The following LEF1 variants were observed in gnomAD, a reference collection of about 807,000 sequenced individuals.
LEF1 encodes lymphoid enhancer binding factor 1.
LEF1 carries 14 observed loss-of-function variants against 51.2 expected under a neutral mutation model. The ratio of observed to expected loss-of-function variants is 0.27; its 90% confidence interval spans 0.18 to 0.43. The LOEUF (loss-of-function observed/expected upper bound fraction) is 0.43, where lower values mean the gene tolerates loss of function less well. Ranked by LOEUF, LEF1 falls within the 20% of genes least tolerant of loss-of-function variation. The pLI, the probability that LEF1 is intolerant of heterozygous loss-of-function variation, is 1.00. For synonymous variants in LEF1, 185 were observed against 183.2 expected, an observed-to-expected ratio of 1.01 and a Z score of -0.08; for missense variants, 386 against 512.0, an observed-to-expected ratio of 0.75 and a Z score of 2.37.
In LEF1 at chr4:108,115,263, C is replaced by T. The variant is rs74654589; in HGVS notation, c.415-26006G>A. Reference sequence around the variant, plus strand: ...AACTGAATGAATATGAGGGCAAGAACAGTAGTAGTAAGTAGAAACAGTGGT... The same window carrying T: ...AACTGAATGAATATGAGGGCAAGAATAGTAGTAGTAAGTAGAAACAGTGGT... On this transcript the variant is annotated intron_variant, in intron 3 of 11. Coordinates refer to ENST00000265165, the MANE Select transcript of LEF1 (RefSeq NM_016269.5). 4.8e-3 allele frequency among the ~76,000 whole-genome samples: 736 copies of T among 152,196 alleles called. 1 individual carries two copies. Among genetic ancestry groups the T allele is most frequent in the Non-Finnish European group, 7.5e-3 (509 of 68,010 alleles).
chr4:108,155,586 C>T (rs1744638564), intron 3 of LEF1, among the ~76,000 whole-genome samples: 1 of 152,206 alleles, frequency 6.6e-6, no homozygotes, highest in Admixed American at 6.5e-5. Context: ...GCAGAAATCC[C>T]ACCAGGTGGG....
intron 3 of LEF1, among the ~76,000 whole-genome samples, chr4:108,136,207 CATT>C (rs1428574284): frequency 1.3e-5 from 2 of 152,116 alleles, no homozygotes; most frequent in Non-Finnish European, 2.9e-5. Context: ...AATGTGCAAA[CATT>C]AGAAGTTCCA....
At chr4:108,106,789 T>C (rs1287912908) in intron 3 of LEF1, among the ~76,000 whole-genome samples, 1 of 152,122 alleles carries the variant, frequency 6.6e-6, no homozygotes, top group Admixed American at 6.5e-5. Context: ...TGGTCAAAAA[T>C]ATGCAAGAAA....
Position 108,078,353 on chromosome 4 carries a change from T to C in LEF1, c.875A>G (p.Gln292Arg). ...VKPQHEQRKE[Q>R]EPKRPHIKKP... ...CTTAATGTGAGGTCTTTTTGGCTCC[T>C]GCTCCTTTCTCTGTTCATGCTGAGG... Residue 292 changes from glutamine (Q) to arginine (R), a missense_variant, in exon 8 of 12, where the codon CAG becomes CGG. Gln to Arg is a conservative substitution (Grantham distance 43, BLOSUM62 1). Coordinates refer to ENST00000265165, the MANE Select transcript of LEF1 (RefSeq NM_016269.5). The C allele has an allele frequency of 6.2e-7, 1 of 1,614,212 alleles. No homozygotes were observed. Among genetic ancestry groups the C allele is most frequent in the Non-Finnish European group, 8.5e-7 (1 of 1,180,034 alleles).
intron 5 of LEF1, among the ~76,000 whole-genome samples, chr4:108,082,986 C>T (rs945862377): frequency 9.2e-5 from 14 of 152,040 alleles, no homozygotes; most frequent in South Asian, 2.1e-4. Context: ...ATATTCAATG[C>T]GTCTAAATTC....
intron 9 of LEF1, 86 bp downstream of exon 9, chr4:108,070,577 T>C (rs1738406369): frequency 2.4e-6 from 2 of 847,918 alleles, no homozygotes; most frequent in African/African-American, 1.7e-5. Context: ...ACCAGCATTA[T>C]ATACACCTAA....
At chr4:108,089,577 G>T (rs916980712) in intron 3 of LEF1, among the ~76,000 whole-genome samples, 9 of 152,012 alleles carry the variant, frequency 5.9e-5, no homozygotes, top group African/African-American at 2.2e-4. Context: ...CTCTCTTTTA[G>T]ATTATTTCCT....
chr4:108,068,380 G>A (rs17038547), intron 9 of LEF1, among the ~76,000 whole-genome samples: 8,036 of 152,262 alleles, frequency 0.053, 742 homozygotes, highest in African/African-American at 0.18. Flanking sequence ...TGACCTGGGT[G>A]AAAACTTCAG....
chr4:108,140,213 G>A (rs1743553684), intron 3 of LEF1, among the ~76,000 whole-genome samples: 1 of 152,088 alleles, frequency 6.6e-6, no homozygotes, highest in African/African-American at 2.4e-5. Context: ...GAGGGAGGGG[G>A]GAAAAGCAAC....
intron 11 of LEF1, among the ~76,000 whole-genome samples, chr4:108,053,607 G>A (rs183584853): frequency 1.3e-5 from 2 of 152,290 alleles, no homozygotes; most frequent in East Asian, 1.9e-4. Context: ...GCCTGTGACC[G>A]TTAATGAATT....
intron 10 of LEF1, 108 bp from the exon 11 acceptor site, chr4:108,063,771 G>T: frequency 1.3e-6 from 1 of 742,898 alleles, no homozygotes; most frequent in Non-Finnish European, 2.2e-6. Context: ...ACTTTTCATG[G>T]TTCTTATACC....
intron 3 of LEF1, among the ~76,000 whole-genome samples, chr4:108,122,951 G>A (rs781073111): frequency 6.6e-6 from 1 of 152,170 alleles, no homozygotes; most frequent in South Asian, 2.1e-4. Flanking sequence ...TAACACTTAC[G>A]ACAACACAGA....
At chr4:108,149,912 G>A (rs1212676316) in intron 3 of LEF1, among the ~76,000 whole-genome samples, 4 of 148,006 alleles carry the variant, frequency 2.7e-5, no homozygotes, top group Non-Finnish European at 6.0e-5. Flanking sequence ...TATTTTTTCT[G>A]TTCTTTCATG....
rs186945839 is a variant in LEF1, at chr4:108,088,853, C to A, written c.547+272G>T. Among the ~76,000 whole-genome samples the A allele has an allele frequency of 1.8e-4, 27 of 152,254 alleles. 1 individual carries two copies. Among genetic ancestry groups the A allele is most frequent in the Admixed American group, 5.2e-4 (8 of 15,308 alleles). On this transcript the variant is annotated intron_variant, in intron 4 of 11. Coordinates refer to ENST00000265165, the MANE Select transcript of LEF1 (RefSeq NM_016269.5). The stretch of plus-strand genomic sequence containing the variant: ...GTACTGACTTTTTAGTATATTTGCA[C>A]AATCTATTGGTTTACATTGTGAATG...
chr4:108,142,882 T>C (rs1489536810), intron 3 of LEF1, among the ~76,000 whole-genome samples: 1 of 152,228 alleles, frequency 6.6e-6, no homozygotes, highest in Non-Finnish European at 1.5e-5. Context: ...ATAAAATGCA[T>C]CTCGTTTAAC....
chr4:108,111,157 A>G (rs1344843724), intron 3 of LEF1, among the ~76,000 whole-genome samples: 1 of 152,270 alleles, frequency 6.6e-6, no homozygotes, highest in Non-Finnish European at 1.5e-5. Context: ...CATGTTAATG[A>G]TGCAAACAGA....
chr4:108,166,205 C>T, intron 1 of LEF1: 1 of 1,492,322 alleles, frequency 6.7e-7, no homozygotes, highest in Non-Finnish European at 8.9e-7. Flanking sequence ...AAACTGGATT[C>T]AACGGGTAAA....
intron 10 of LEF1, among the ~76,000 whole-genome samples, chr4:108,063,992 C>T (rs988255730): frequency 2.6e-5 from 4 of 152,074 alleles, no homozygotes; most frequent in Non-Finnish European, 5.9e-5. Flanking sequence ...AATATTGTAT[C>T]TTTAAGGAGT....
In LEF1 at chr4:108,048,642, C is replaced by G; in HGVS notation, c.*116G>C. Reference sequence around the variant, plus strand: ...GATGTCAGTGTTCCTTTGGGGTCGACTGGGCAGGCCGTGGAGACAGTCTGG... The same window carrying G: ...GATGTCAGTGTTCCTTTGGGGTCGAGTGGGCAGGCCGTGGAGACAGTCTGG... On this transcript the variant is annotated 3_prime_UTR_variant, in exon 12 of 12. Transcript: ENST00000265165. 6.7e-7 allele frequency: 1 copy of G among 1,484,376 alleles called. No individual in the cohort carries two copies. The highest frequency in any genetic ancestry group is 9.1e-7 in the Non-Finnish European group (1 of 1,093,472). The allele number at this position is 1,484,376 out of a possible 1,614,324, so 92.0% of individuals were successfully genotyped here.
Sources: gnomAD v4.1 joint callset for allele counts (sites outside exome capture counted in the v4.1 genomes callset) on GRCh38, gnomAD v4.1.1 for gene constraint, MANE v1.5 for transcripts, NCBI Gene and HGNC (gene_info 2026-07-23, HGNC 2026-07-21) for gene names.